Variants in MPPED2 observed in about 807,000 individuals in gnomAD.
MPPED2 encodes the protein metallophosphoesterase domain containing 2.
In MPPED2, 5 loss-of-function variants were observed where a neutral mutation model predicts 33.0. That is an observed-to-expected ratio of 0.15 (90% CI 0.08 to 0.32). MPPED2 has a LOEUF of 0.32. Among genes scored for constraint, MPPED2 ranks in the 10% least tolerant of loss-of-function variants. MPPED2 has a pLI of 1.00. For missense variants in MPPED2, 275 were observed against 372.1 expected (o/e 0.74, Z 2.15); for synonymous variants, 136 against 141.9 (o/e 0.96, Z 0.29).
chr11:30,560,843 C>T (rs924541675), intron 2 of MPPED2, among the ~76,000 whole-genome samples: 1 of 151,688 alleles, frequency 6.6e-6, no homozygotes, highest in South Asian at 2.1e-4. Flanking sequence ...AAAAATCATG[C>T]TACCCCCCAC....
At chr11:30,477,893 TTG>T (rs1330000259) in intron 4 of MPPED2, among the ~76,000 whole-genome samples, 2 of 152,128 alleles carry the variant, frequency 1.3e-5, no homozygotes, top group Non-Finnish European at 2.9e-5. Flanking sequence ...TCCAGAGACT[TTG>T]TAGAATATAC....
chr11:30,386,578 A>G (rs1360489676), exon 7 of MPPED2: 1 of 396,592 alleles, frequency 2.5e-6, no homozygotes, highest in Non-Finnish European at 4.4e-6. Context: ...TTATGGCAGC[A>G]AAAACAGACT....
At chr11:30,581,668 AGGCAGAT>A (rs1352218465) in intron 1 of MPPED2, among the ~76,000 whole-genome samples, 2 of 152,250 alleles carry the variant, frequency 1.3e-5, no homozygotes, top group African/African-American at 4.8e-5. Context: ...ATCGAGCAAA[AGGCAGAT>A]GGCCTGCCAT....
intron 2 of MPPED2, among the ~76,000 whole-genome samples, chr11:30,574,259 C>A (rs1170682781): frequency 2.0e-5 from 3 of 152,002 alleles, no homozygotes; most frequent in Non-Finnish European, 4.4e-5. Flanking sequence ...CTTTCTTATA[C>A]CTTTTCTGTG....
chr11:30,519,996 T>C (rs1490883945), intron 3 of MPPED2, among the ~76,000 whole-genome samples: 1 of 152,170 alleles, frequency 6.6e-6, no homozygotes, highest in Admixed American at 6.5e-5. Context: ...TTGTATATTT[T>C]ATAGTTAGAT....
At chr11:30,501,929 G>C (rs1331877352) in intron 3 of MPPED2, among the ~76,000 whole-genome samples, 1 of 152,148 alleles carries the variant, frequency 6.6e-6, no homozygotes, top group East Asian at 1.9e-4. Flanking sequence ...GTGGTTTGAA[G>C]CTGTGCTCCG....
intron 6 of MPPED2, among the ~76,000 whole-genome samples, chr11:30,394,173 G>C (rs1947812772): frequency 6.6e-6 from 1 of 152,144 alleles, no homozygotes; most frequent in South Asian, 2.1e-4. Context: ...CCCTTTACCT[G>C]CTGAAGGATA....
chr11:30,559,720 A>T lies in MPPED2; in HGVS notation c.128+20526T>A, dbSNP rs144154311. On this transcript the variant is annotated intron_variant, in intron 2 of 6. Transcript: ENST00000358117. ...ATAATTTCAAAAATAAATTATTTTT[A>T]TTCCATGTGAGGCATACTAAATTTA... 3.9e-5 allele frequency among the ~76,000 whole-genome samples: 6 copies of T among 152,286 alleles called. No individual in the cohort carries two copies. The East Asian group carries it at 1.2e-3, about 29-fold the overall frequency.
At chr11:30,464,977 T>C (rs907413468) in intron 4 of MPPED2, among the ~76,000 whole-genome samples, 3 of 152,194 alleles carry the variant, frequency 2.0e-5, no homozygotes, top group Admixed American at 2.0e-4. Context: ...ACTAGCTATA[T>C]AGTTTTAGGC....
intron 2 of MPPED2, among the ~76,000 whole-genome samples, chr11:30,562,195 A>C (rs1956266705): frequency 6.6e-6 from 1 of 152,166 alleles, no homozygotes. Context: ...CATACTTCTC[A>C]ACTCCCACAA....
At chr11:30,389,265 G>T (rs1232071374) in intron 6 of MPPED2, among the ~76,000 whole-genome samples, 1 of 152,174 alleles carries the variant, frequency 6.6e-6, no homozygotes, top group Non-Finnish European at 1.5e-5. Context: ...AGCCTTGACT[G>T]AGGTTGGGTA....
intron 2 of MPPED2, among the ~76,000 whole-genome samples, chr11:30,545,183 C>T (rs926036686): frequency 4.6e-5 from 7 of 152,092 alleles, no homozygotes; most frequent in Admixed American, 4.6e-4. Context: ...CAGAGGGCCA[C>T]AGGGAAAGCT....
intron 3 of MPPED2, among the ~76,000 whole-genome samples, chr11:30,497,997 C>T (rs1489848878): frequency 1.3e-5 from 2 of 151,474 alleles, no homozygotes; most frequent in African/African-American, 2.4e-5. Flanking sequence ...ATCTGCCAAC[C>T]TTTATGTTTT....
intron 4 of MPPED2, among the ~76,000 whole-genome samples, chr11:30,485,402 T>G (rs1433514218): frequency 2.4e-5 from 1 of 41,172 alleles, no homozygotes; most frequent in African/African-American, 5.1e-5. Context: ...TCAGAGAGAT[T>G]GCATAACATG....
intron 2 of MPPED2, among the ~76,000 whole-genome samples, chr11:30,556,253 C>T (rs1215106982): frequency 6.6e-6 from 1 of 152,152 alleles, no homozygotes; most frequent in Non-Finnish European, 1.5e-5. Flanking sequence ...TCTCATTTTA[C>T]AGACTAAGGA....
Position 30,558,863 on chromosome 11 carries a change from T to C in MPPED2, c.128+21383A>G, listed in dbSNP as rs138434122. On this transcript the variant is annotated intron_variant, in intron 2 of 6. Transcript: ENST00000358117. ...ATGCTTTGAGTCACAACCAATTCTTTTCAAATAGTCCACAAACCTGGTCCT... is the reference window on the plus strand; with the variant it reads ...ATGCTTTGAGTCACAACCAATTCTTCTCAAATAGTCCACAAACCTGGTCCT... 3.6e-3 allele frequency among the ~76,000 whole-genome samples: 550 copies of C among 152,224 alleles called. 1 individual carries two copies. The highest frequency in any genetic ancestry group is 0.011 in the African/African-American group (442 of 41,548).
intron 4 of MPPED2, among the ~76,000 whole-genome samples, chr11:30,418,274 C>T (rs918303921): frequency 6.6e-6 from 1 of 152,188 alleles, no homozygotes; most frequent in African/African-American, 2.4e-5. Context: ...GATTTGGGGA[C>T]ATCCCTGGTC....
intron 2 of MPPED2, among the ~76,000 whole-genome samples, chr11:30,562,966 T>A (rs764431245): frequency 7.2e-5 from 11 of 152,156 alleles, no homozygotes; most frequent in Non-Finnish European, 1.5e-4. Flanking sequence ...TCCTGACTGC[T>A]AAACCAAATA....
intron 4 of MPPED2, among the ~76,000 whole-genome samples, chr11:30,442,971 C>T (rs1409174691): frequency 1.3e-5 from 2 of 151,960 alleles, no homozygotes; most frequent in Non-Finnish European, 2.9e-5. Flanking sequence ...CCAGCCTGGT[C>T]GACAGCAAAA....
Sources: allele counts gnomAD v4.1 joint callset (sites outside exome capture counted in the v4.1 genomes callset), GRCh38; gene constraint gnomAD v4.1.1; transcripts MANE v1.5; gene names NCBI Gene and HGNC (gene_info 2026-07-23, HGNC 2026-07-21).